ATP10A: variants seen among roughly 807,000 people sequenced by gnomAD.
The protein encoded by ATP10A is phospholipid-transporting ATPase VA.
ATP10A carries 111 observed loss-of-function variants against 147.8 expected under a neutral mutation model. That is an observed-to-expected ratio of 0.75 (90% CI 0.64 to 0.88). ATP10A has a LOEUF of 0.88. Among genes scored for constraint, ATP10A ranks in the 40% least tolerant of loss-of-function variants. ATP10A has a pLI of 0.00. For synonymous variants in ATP10A, 875 were observed against 841.6 expected (o/e 1.04, Z -0.69); for missense variants, 1,927 against 1,959.0 (o/e 0.98, Z 0.31).
intron 1 of ATP10A, among the ~76,000 whole-genome samples, chr15:25,815,154 A>G (rs776583703): frequency 1.3e-5 from 2 of 152,182 alleles, no homozygotes; most frequent in African/African-American, 2.4e-5. Context: ...GTTACGCTCC[A>G]TGAAACCCGA....
chr15:25,836,541 G>C (rs866272808), intron 1 of ATP10A, among the ~76,000 whole-genome samples: 1 of 152,168 alleles, frequency 6.6e-6, no homozygotes, highest in African/African-American at 2.4e-5. Context: ...TCAAACTCCT[G>C]TCTACCCAAG....
At chr15:25,680,482 T>C (rs1409182633) in intron 19 of ATP10A, among the ~76,000 whole-genome samples, 174 bp from the exon 20 acceptor site, 1 of 152,044 alleles carries the variant, frequency 6.6e-6, no homozygotes, top group Non-Finnish European at 1.5e-5. Context: ...CCAGAACCCA[T>C]GGACCGCCCT....
At chr15:25,719,436 C>A (rs572887533) in intron 7 of ATP10A, among the ~76,000 whole-genome samples, 1 of 152,306 alleles carries the variant, frequency 6.6e-6, no homozygotes, top group South Asian at 2.1e-4. Flanking sequence ...AAATGCCTCC[C>A]CAGCTCTCGG....
chr15:25,722,379 C>T (rs928276267), intron 6 of ATP10A, among the ~76,000 whole-genome samples: 6 of 152,216 alleles, frequency 3.9e-5, no homozygotes, highest in African/African-American at 1.4e-4. Context: ...ACACAACAGA[C>T]AGTCTTTTTT....
intron 3 of ATP10A, among the ~76,000 whole-genome samples, chr15:25,731,263 C>T (rs1175965289): frequency 1.3e-5 from 2 of 152,140 alleles, no homozygotes; most frequent in South Asian, 2.1e-4. Context: ...TTGTATCCGA[C>T]AAAATAGACT....
chr15:25,739,979 T>A (rs1025174928), intron 2 of ATP10A, among the ~76,000 whole-genome samples: 2 of 152,192 alleles, frequency 1.3e-5, no homozygotes, highest in African/African-American at 4.8e-5. Context: ...TGTTTCCTCC[T>A]GATGCCTGGG....
intron 1 of ATP10A, among the ~76,000 whole-genome samples, chr15:25,802,662 G>A (rs762024175): frequency 6.6e-6 from 1 of 152,068 alleles, no homozygotes; most frequent in South Asian, 2.1e-4. Flanking sequence ...CTCAGCTCAC[G>A]GCCGGCCGCC....
intron 2 of ATP10A, among the ~76,000 whole-genome samples, chr15:25,768,987 T>G (rs1031954591): frequency 2.0e-5 from 3 of 152,174 alleles, no homozygotes; most frequent in African/African-American, 7.2e-5. Flanking sequence ...AGTTAAGGGT[T>G]GAAAGGTTTT....
chr15:25,696,371 T>A (rs1283157341), intron 13 of ATP10A, among the ~76,000 whole-genome samples: 2 of 152,192 alleles, frequency 1.3e-5, no homozygotes, highest in African/African-American at 4.8e-5. Context: ...GGGAGAGCTT[T>A]GCTTCCAGGG....
intron 1 of ATP10A, among the ~76,000 whole-genome samples, chr15:25,797,917 G>A (rs944290713): frequency 6.6e-6 from 1 of 152,214 alleles, no homozygotes; most frequent in African/African-American, 2.4e-5. Flanking sequence ...GGATTAAACT[G>A]AAAGTGTGTT....
chr15:25,774,042 T>G (rs966719804), intron 2 of ATP10A, among the ~76,000 whole-genome samples: 1 of 152,054 alleles, frequency 6.6e-6, no homozygotes, highest in Non-Finnish European at 1.5e-5. Context: ...AATTCCCGTT[T>G]TTTTTTTTAA....
chr15:25,832,343 A>G (rs1319305808), intron 1 of ATP10A, among the ~76,000 whole-genome samples: 1 of 152,200 alleles, frequency 6.6e-6, no homozygotes, highest in Non-Finnish European at 1.5e-5. Context: ...TCATTCAGCA[A>G]TGGGTGGAAA....
chr15:25,800,549 C>T (rs1890889682), intron 1 of ATP10A, among the ~76,000 whole-genome samples: 1 of 152,198 alleles, frequency 6.6e-6, no homozygotes, highest in Non-Finnish European at 1.5e-5. Flanking sequence ...GCCTGCTGGG[C>T]GCTGCTGCTC....
At position 25,798,030 on chromosome 15, in the gene ATP10A, C is replaced by T. The variant is rs1469240845; in HGVS notation, c.450-16807G>A. Among the ~76,000 whole-genome samples, 3 of 152,260 alleles carry T rather than the reference C, an allele frequency of 2.0e-5. No homozygotes were observed. The East Asian group carries it at 5.8e-4, about 29-fold the overall frequency. The stretch of plus-strand genomic sequence containing the variant: ...AAGCTTCTTAAAAATATAACCCTTG[C>T]AAAATTCGTCAGGGTCACAAATCTG... On this transcript the variant is annotated intron_variant, in intron 1 of 20. Coordinates refer to ENST00000555815, the MANE Select transcript of ATP10A (RefSeq NM_024490.4).
chr15:25,798,965 G>A (rs1318056532), intron 1 of ATP10A, among the ~76,000 whole-genome samples: 2 of 152,122 alleles, frequency 1.3e-5, no homozygotes, highest in African/African-American at 4.8e-5. Context: ...CCGTCCTCAT[G>A]TAACGGAGGC....
At position 25,778,085 on chromosome 15, in the gene ATP10A, G is replaced by C. The variant is rs140996121; in HGVS notation, c.654+2934C>G. 1.7e-4 allele frequency among the ~76,000 whole-genome samples: 26 copies of C among 151,954 alleles called. No homozygotes were observed. The East Asian group carries it at 4.5e-3, about 26-fold the overall frequency. On this transcript the variant is annotated intron_variant, in intron 2 of 20. Transcript: ENST00000555815. ...ATGTGTGGTTTCTGTCTCCTGACTG[G>C]ACCCCGCTGGATACCCTAAGTTCCT... is the stretch of plus-strand genomic sequence containing the variant.
chr15:25,766,094 G>C (rs531727142), intron 2 of ATP10A, among the ~76,000 whole-genome samples: 1 of 152,232 alleles, frequency 6.6e-6, no homozygotes, highest in East Asian at 1.9e-4. Flanking sequence ...ACATGGTGGC[G>C]GCAAGACAAA....
chr15:25,716,708 T>C, intron 9 of ATP10A, 22 bp downstream of exon 9: 1 of 1,540,590 alleles, frequency 6.5e-7, no homozygotes, highest in South Asian at 1.3e-5. Context: ...AAGGTCAAGC[T>C]CAGGGACCCT....
chr15:25,723,773 G>A (rs1052378313), intron 6 of ATP10A, 118 bp downstream of exon 6: 4 of 859,618 alleles, frequency 4.7e-6, no homozygotes, highest in Non-Finnish European at 3.3e-6. Context: ...ACTCCAGGTA[G>A]ATATATTTGC....
Sources: allele counts gnomAD v4.1 joint callset (sites outside exome capture counted in the v4.1 genomes callset), GRCh38; gene constraint gnomAD v4.1.1; transcripts MANE v1.5; gene names NCBI Gene and HGNC (gene_info 2026-07-23, HGNC 2026-07-21).